Variants in SERAC1 observed in about 807,000 individuals in gnomAD.
SERAC1 encodes the protein protein SERAC1.
In SERAC1, 36 loss-of-function variants were observed where a neutral mutation model predicts 85.7. The observed-to-expected ratio is 0.42, with a 90% CI of 0.32 to 0.55. The LOEUF is 0.55. Among genes scored for constraint, SERAC1 ranks in the 20% least tolerant of loss-of-function variants. The pLI is 0.11. For synonymous variants in SERAC1, 242 were observed against 265.3 expected, an observed-to-expected ratio of 0.91 and a Z score of 0.85; for missense variants, 629 against 796.2, an observed-to-expected ratio of 0.79 and a Z score of 2.53.
intron 14 of SERAC1, 120 bp downstream of exon 14, chr6:158,116,065 G>A: frequency 1.4e-6 from 1 of 722,012 alleles, no homozygotes; most frequent in Non-Finnish European, 2.4e-6. Context: ...GATTAATTTA[G>A]CAGGGGGGGT....
Position 158,114,797 on chromosome 6 carries a change from A to C in SERAC1, c.1676T>G (p.Leu559Arg). 1 of 1,609,244 alleles carries C rather than the reference A, an allele frequency of 6.2e-7. No individual in the cohort carries two copies. The highest frequency in any genetic ancestry group is 1.4e-5 in the African/African-American group (1 of 73,350). The change falls in exon 15 of 17, where the codon CTC (leucine) becomes CGC (arginine). Residue 559 changes from leucine to arginine, a missense_variant. Physicochemically the swap from Leu to Arg is moderately radical, Grantham distance 102 (BLOSUM62 -2). Coordinates refer to ENST00000647468, the MANE Select transcript of SERAC1 (RefSeq NM_032861.4). ...LLFPSLEVKELSKDSPALKTL... is the reference protein window; with the variant it reads ...LLFPSLEVKERSKDSPALKTL... ...ATGACAAAAAGTATTACCCTTGCTG[A>C]GTTCTTTGACTTCCAACGAGGGGAA...
chr6:158,114,811 C>G lies in SERAC1; in HGVS notation c.1662G>C (p.Leu554Phe). 1.2e-6 allele frequency: 2 copies of G among 1,602,530 alleles called. No homozygotes were observed. Among genetic ancestry groups the G allele is most frequent in the Admixed American group, 1.7e-5 (1 of 59,238 alleles). ...VNIRYLLFPS[L>F]EVKELSKDSP... Reference sequence around the variant, plus strand: ...TACCCTTGCTGAGTTCTTTGACTTCCAACGAGGGGAAGAGAAGATAGCGAA... The same window carrying G: ...TACCCTTGCTGAGTTCTTTGACTTCGAACGAGGGGAAGAGAAGATAGCGAA... Residue 554 changes from leucine to phenylalanine, a missense_variant, in exon 15 of 17, where the codon TTG becomes TTC. Physicochemically the swap from Leu to Phe is conservative, Grantham distance 22. Coordinates refer to ENST00000647468, the MANE Select transcript of SERAC1 (RefSeq NM_032861.4).
intron 8 of SERAC1, among the ~76,000 whole-genome samples, chr6:158,137,163 A>C (rs1409723590): frequency 2.6e-5 from 4 of 152,020 alleles, no homozygotes; most frequent in Non-Finnish European, 4.4e-5. Context: ...CCTCAAAAAA[A>C]AAAAAAAGTA....
At chr6:158,142,997 C>T (rs766498554) in intron 8 of SERAC1, 59 bp downstream of exon 8, 30 of 1,382,298 alleles carry the variant, frequency 2.2e-5, no homozygotes, top group Non-Finnish European at 2.8e-5. Context: ...GCCACTGACA[C>T]AATACATTGG....
In SERAC1 at chr6:158,114,988, G is replaced by A. The variant is rs1562432027; in HGVS notation, c.1502-17C>T. On this transcript the variant is annotated splice_polypyrimidine_tract_variant and intron_variant, in intron 14 of 16. Coordinates refer to ENST00000647468, the MANE Select transcript of SERAC1 (RefSeq NM_032861.4). ...CAAGAAGACCTAGCCACAGACAAGG[G>A]AAAAAAACAATGCATAAGCTATTTT... 8 of 1,588,288 alleles carry A rather than the reference G, an allele frequency of 5.0e-6. No individual in the cohort carries two copies. The highest frequency in any genetic ancestry group is 1.7e-4 in the Middle Eastern group (1 of 5,918).
At chr6:158,113,620 G>A in intron 15 of SERAC1, 28 bp from the exon 16 acceptor site, 1 of 1,572,938 alleles carries the variant, frequency 6.4e-7, no homozygotes, top group Non-Finnish European at 8.7e-7. Context: ...ACAAGACTGT[G>A]ACAAGTTGTT....
Position 158,113,492 on chromosome 6 carries a change from A to C in SERAC1, c.1785T>G (p.Ile595Met). Residue 595 changes from isoleucine (I) to methionine (M), a missense_variant, in exon 16 of 17, where the codon ATT (isoleucine) becomes ATG (methionine). Physicochemically the swap from Ile to Met is conservative, Grantham distance 10 (BLOSUM62 1). Transcript: ENST00000647468. ...CCACATGGAGCTTAATCATGCTGCC[A>C]ATGTAGGTTGGTAGTGTTTCCACAA... The part of the protein sequence containing the change: ...LNFVETLPTY[I>M]GSMIKLHVVP... The C allele has an allele frequency of 6.2e-7, 1 of 1,614,088 alleles. No individual in the cohort carries two copies. The highest frequency in any genetic ancestry group is 8.5e-7 in the Non-Finnish European group (1 of 1,179,972).
Position 158,149,023 on chromosome 6 carries a change from T to G in SERAC1, c.266-69A>C, listed in dbSNP as rs968698624. ...TTTTTCTTTTGAGATGGAATCTTAC[T>G]CTGTCGCCCAGGTTGGAGTGCAGTG... On this transcript the variant is annotated intron_variant, in intron 4 of 16. Transcript: ENST00000647468. 4 of 1,206,322 alleles carry G rather than the reference T, an allele frequency of 3.3e-6. No individual in the cohort carries two copies. The Admixed American group carries it at 7.0e-5, about 21-fold the overall frequency. 74.7% of individuals were successfully genotyped at this position (1,206,322 alleles called of 1,614,324 possible).
intron 2 of SERAC1, among the ~76,000 whole-genome samples, chr6:158,156,847 T>A (rs1378004000): frequency 2.2e-5 from 3 of 136,658 alleles, no homozygotes; most frequent in Non-Finnish European, 3.1e-5. Flanking sequence ...TAAATATATT[T>A]TATATATAAT....
chr6:158,148,812 C>T, intron 5 of SERAC1, 53 bp downstream of exon 5: 1 of 1,263,572 alleles, frequency 7.9e-7, no homozygotes, highest in South Asian at 1.3e-5. Context: ...TTGATCATTC[C>T]AATGACTTTC....
chr6:158,110,566 A>G lies in SERAC1; in HGVS notation c.*800T>C. ...CACTTGCAAATGAGCAAGGAAGAAG[A>G]AAGGTTTATTTAGCCAAAGAGAATC... On this transcript the variant is annotated 3_prime_UTR_variant, in exon 17 of 17. Transcript: ENST00000647468. 1 of 152,222 alleles carries G rather than the reference A, an allele frequency of 6.6e-6. No homozygotes were observed. Among genetic ancestry groups the G allele is most frequent in the Non-Finnish European group, 1.5e-5 (1 of 68,042 alleles). The allele number at this position is 152,222 out of a possible 1,614,324, so 9.4% of individuals were successfully genotyped here.
intron 1 of SERAC1, among the ~76,000 whole-genome samples, chr6:158,162,779 G>A (rs1018782727): frequency 2.6e-5 from 4 of 152,010 alleles, no homozygotes; most frequent in African/African-American, 9.7e-5. Flanking sequence ...CTTCCAGTTG[G>A]CTCACTTTCA....
At chr6:158,140,621 T>C (rs897088026) in intron 8 of SERAC1, among the ~76,000 whole-genome samples, 17 of 152,100 alleles carry the variant, frequency 1.1e-4, no homozygotes, top group Admixed American at 6.5e-5. Context: ...AAACCCAAGG[T>C]GGGGGTCATG....
rs1784314041 is a variant in SERAC1, at chr6:158,117,393, A to G, written c.1403+334T>C. 1 of 845,668 alleles carries G rather than the reference A, an allele frequency of 1.2e-6. No individual in the cohort carries two copies. Among genetic ancestry groups the G allele is most frequent in the South Asian group, 1.8e-5 (1 of 54,382 alleles). The allele number at this position is 845,668 out of a possible 1,614,324, so 52.4% of individuals were successfully genotyped here. A position where few individuals can be genotyped will look rare whatever the true frequency, so the allele number is the denominator to read the frequency against. On this transcript the variant is annotated intron_variant, in intron 13 of 16. Transcript: ENST00000647468. The surrounding 1 kb of genome is among the most constrained non-coding windows in gnomAD (Gnocchi z 4.3). ...ATCTTTCTCTTTGCTTCCTTTAGCC[A>G]GTATGATTGTGGACACAAGAACAAA...
intron 5 of SERAC1, 112 bp from the exon 6 acceptor site, chr6:158,147,025 CAT>C (rs1333135274): frequency 5.7e-6 from 6 of 1,048,266 alleles, no homozygotes; most frequent in African/African-American, 1.6e-5. Flanking sequence ...GAGTTAAATC[CAT>C]ATATATAGGT....
At chr6:158,133,706 A>C (rs931158295) in intron 8 of SERAC1, among the ~76,000 whole-genome samples, 1 of 152,172 alleles carries the variant, frequency 6.6e-6, no homozygotes, top group African/African-American at 2.4e-5. Flanking sequence ...TTTCTTCATA[A>C]AAAGTTACAA....
At chr6:158,141,421 G>A (rs545167957) in intron 8 of SERAC1, among the ~76,000 whole-genome samples, 113 of 152,134 alleles carry the variant, frequency 7.4e-4, no homozygotes, top group Non-Finnish European at 1.4e-3. Flanking sequence ...AGTCTTAAAG[G>A]GTTTTATGGT....
At chr6:158,157,049 T>C (rs556457518) in intron 2 of SERAC1, among the ~76,000 whole-genome samples, 10 of 149,712 alleles carry the variant, frequency 6.7e-5, no homozygotes, top group Admixed American at 1.4e-4. Flanking sequence ...CAGGCTGGAG[T>C]GCAATGACAC....
chr6:158,156,793 G>T (rs1785345505), intron 2 of SERAC1, among the ~76,000 whole-genome samples: 2 of 128,024 alleles, frequency 1.6e-5, no homozygotes, highest in Non-Finnish European at 3.2e-5. Flanking sequence ...TATTATATAT[G>T]TTTAAATGTA....
Sources: allele counts gnomAD v4.1 joint callset (sites outside exome capture counted in the v4.1 genomes callset), GRCh38; gene constraint gnomAD v4.1.1; non-coding constraint Gnocchi (gnomAD v3.1); transcripts MANE v1.5; gene names NCBI Gene and HGNC (gene_info 2026-07-23, HGNC 2026-07-21).